Variants in TBC1D30 observed in about 807,000 individuals in gnomAD.
TBC1D30 encodes TBC1 domain family, member 30.
A neutral mutation model predicts 63.2 loss-of-function variants in TBC1D30; 31 were observed. That is an observed-to-expected ratio of 0.49 (90% confidence interval 0.37 to 0.66). The LOEUF is 0.66. TBC1D30 is among the 30% of genes least tolerant of loss of function. TBC1D30 has a pLI of 0.00. For synonymous variants in TBC1D30, 307 were observed against 361.5 expected, an observed-to-expected ratio of 0.85 and a Z score of 1.71; for missense variants, 810 against 953.6, an observed-to-expected ratio of 0.85 and a Z score of 1.98.
chr12:64,761,939 C>T (rs147918309), intron 1 of TBC1D30, among the ~76,000 whole-genome samples: 116 of 152,298 alleles, frequency 7.6e-4, no homozygotes, highest in African/African-American at 2.7e-3. Context: ...CATTGTCCCT[C>T]GTTCATGGAA....
In TBC1D30 at chr12:64,864,721, A is replaced by C; in HGVS notation, c.1092A>C (p.Glu364Asp). The stretch of plus-strand genomic sequence containing the variant: ...TCCCACAATTGGCAGAGTTGAGGGA[A>C]AAATACACCTACAACATTACACCGT... ...FPFPQLAELR[E>D]KYTYNITPFP... Residue 364 changes from glutamate (E) to aspartate (D), a missense_variant, in exon 9 of 12, where the codon GAA (glutamate) becomes GAC (aspartate). By Grantham distance (45) the Glu-to-Asp change is conservative. Transcript: ENST00000539867. The C allele has an allele frequency of 3.9e-6, 6 of 1,536,392 alleles. No individual in the cohort carries two copies. The highest frequency in any genetic ancestry group is 5.2e-6 in the Non-Finnish European group (6 of 1,146,968).
At chr12:64,867,455 A>C (rs1310315526) in intron 10 of TBC1D30, among the ~76,000 whole-genome samples, 1 of 144,738 alleles carries the variant, frequency 6.9e-6, no homozygotes, top group Non-Finnish European at 1.5e-5. Context: ...ACAAGACTCC[A>C]TCTCAAAAAA....
exon 1 of TBC1D30, among the ~76,000 whole-genome samples, chr12:64,780,613 G>T (rs938527204): frequency 6.6e-6 from 1 of 152,172 alleles, no homozygotes; most frequent in African/African-American, 2.4e-5. Context: ...TCTCCTTCTC[G>T]CCCGGTCCGG....
At chr12:64,859,252 A>G (rs1472087607) in intron 8 of TBC1D30, among the ~76,000 whole-genome samples, 1 of 152,162 alleles carries the variant, frequency 6.6e-6, no homozygotes, top group Non-Finnish European at 1.5e-5. Flanking sequence ...GACTGTCAGA[A>G]GGCTGGAATT....
chr12:64,874,443 G>A (rs998428692), intron 11 of TBC1D30, among the ~76,000 whole-genome samples: 1 of 152,180 alleles, frequency 6.6e-6, no homozygotes, highest in Non-Finnish European at 1.5e-5. Context: ...AGTCCATTGA[G>A]GACACAGGAG....
upstream of TBC1D30, among the ~76,000 whole-genome samples, chr12:64,776,402 A>G (rs2136283512): frequency 6.6e-6 from 1 of 152,314 alleles, no homozygotes; most frequent in East Asian, 1.9e-4. Flanking sequence ...TCAAATAAAC[A>G]CAGTGAAAAA....
intron 8 of TBC1D30, among the ~76,000 whole-genome samples, chr12:64,843,872 G>A (rs1205384268): frequency 6.6e-6 from 1 of 152,170 alleles, no homozygotes; most frequent in Admixed American, 6.5e-5. Context: ...GCTCACTGTA[G>A]CCTCTGTCTC....
At chr12:64,862,517 C>T (rs1877875010) in intron 8 of TBC1D30, among the ~76,000 whole-genome samples, 1 of 152,160 alleles carries the variant, frequency 6.6e-6, no homozygotes, top group South Asian at 2.1e-4. Flanking sequence ...ACCATCATCC[C>T]TGGGGCAGGG....
intron 2 of TBC1D30, among the ~76,000 whole-genome samples, chr12:64,806,748 C>T (rs1872896533): frequency 6.6e-6 from 1 of 152,164 alleles, no homozygotes; most frequent in Admixed American, 6.5e-5. Context: ...CAGCATGAGT[C>T]ACAATAGCCA....
At chr12:64,780,551 A>C (rs1871212032) in exon 1 of TBC1D30, among the ~76,000 whole-genome samples, 1 of 152,160 alleles carries the variant, frequency 6.6e-6, no homozygotes, top group Admixed American at 6.5e-5. Context: ...CGCTCTGGGT[A>C]GAGGCCGGGC....
At chr12:64,810,549 G>A (rs1873151236) in intron 2 of TBC1D30, among the ~76,000 whole-genome samples, 1 of 152,168 alleles carries the variant, frequency 6.6e-6, no homozygotes, top group Non-Finnish European at 1.5e-5. Flanking sequence ...GCTGCAGTGA[G>A]CCAAGATGGT....
At chr12:64,765,277 A>G (rs899774961) in intron 1 of TBC1D30, among the ~76,000 whole-genome samples, 15 of 151,390 alleles carry the variant, frequency 9.9e-5, no homozygotes, top group Non-Finnish European at 2.2e-4. Flanking sequence ...TCATGAGGTC[A>G]GGAGATCAAG....
At chr12:64,825,269 C>G (rs1410548044) in intron 1 of TBC1D30, 1 of 475,490 alleles carries the variant, frequency 2.1e-6, no homozygotes, top group East Asian at 3.6e-5. Context: ...GCTGCTTCCA[C>G]CCTCTCCCCG....
At position 64,875,942 on chromosome 12, in the gene TBC1D30, A is replaced by C; in HGVS notation, c.*154A>C. On this transcript the variant is annotated 3_prime_UTR_variant, in exon 12 of 12. Coordinates refer to ENST00000539867, the MANE Select transcript of TBC1D30 (RefSeq NM_015279.2). Reference sequence around the variant, plus strand: ...AAAAAATGGGAACTGGAAGTTTTATAATAGGAGTTAGAACAGGGCTGTTTT... The same window carrying C: ...AAAAAATGGGAACTGGAAGTTTTATCATAGGAGTTAGAACAGGGCTGTTTT... 1 of 751,418 alleles carries C rather than the reference A, an allele frequency of 1.3e-6. No individual in the cohort carries two copies. Among genetic ancestry groups the C allele is most frequent in the Non-Finnish European group, 2.0e-6 (1 of 489,458 alleles). The allele number at this position is 751,418 out of a possible 1,614,324, so 46.5% of individuals were successfully genotyped here. A position where few individuals can be genotyped will look rare whatever the true frequency, so the allele number is the denominator to read the frequency against.
At chr12:64,799,276 C>T (rs1051102727) in intron 2 of TBC1D30, among the ~76,000 whole-genome samples, 6 of 152,196 alleles carry the variant, frequency 3.9e-5, no homozygotes, top group East Asian at 1.9e-4. Flanking sequence ...GCAAGTTCCC[C>T]GACCCCTCTG....
rs1314806578 is a variant in TBC1D30, at chr12:64,838,978, C to T, written c.932+127C>T. 3 of 906,338 alleles carry T rather than the reference C, an allele frequency of 3.3e-6. No homozygotes were observed. In the East Asian group the frequency reaches 8.0e-5, roughly 24 times the overall value. The allele number at this position is 906,338 out of a possible 1,614,324, so 56.1% of individuals were successfully genotyped here. ...TGTGAACTTTTAAAATTGCTTTAGC[C>T]TCCTGAAATCTCAGCAGGCTCATTG... is the stretch of plus-strand genomic sequence containing the variant. On this transcript the variant is annotated intron_variant, in intron 7 of 11. Transcript: ENST00000539867.
chr12:64,865,420 A>G (rs1439445231), intron 9 of TBC1D30, among the ~76,000 whole-genome samples: 2 of 151,976 alleles, frequency 1.3e-5, no homozygotes, highest in Non-Finnish European at 2.9e-5. Flanking sequence ...CTTTAAATAT[A>G]ATTTTCTGGG....
chr12:64,789,024 A>T (rs570941647), intron 2 of TBC1D30, among the ~76,000 whole-genome samples: 53 of 152,222 alleles, frequency 3.5e-4, no homozygotes, highest in African/African-American at 1.2e-3. Context: ...GAGATTTTTT[A>T]AAAAAACTGA....
chr12:64,759,524 A>G (rs1870413180), exon 1 of TBC1D30: 2 of 488,704 alleles, frequency 4.1e-6, no homozygotes, highest in East Asian at 3.3e-5. Context: ...GGGAGGCATC[A>G]GGCAGTGGCG....
Sources: gnomAD v4.1 joint callset for allele counts (sites outside exome capture counted in the v4.1 genomes callset) on GRCh38, gnomAD v4.1.1 for gene constraint, MANE v1.5 for transcripts, NCBI Gene and HGNC (gene_info 2026-07-23, HGNC 2026-07-21) for gene names.